Variants in SPOCK1 observed in about 807,000 individuals in gnomAD.
SPOCK1 encodes the protein SPARC (osteonectin), cwcv and kazal like domains proteoglycan 1.
Under a neutral mutation model 55.3 loss-of-function variants are expected in SPOCK1, and 23 were observed. The observed-to-expected ratio is 0.42, with a 90% CI of 0.30 to 0.59. The LOEUF (loss-of-function observed/expected upper bound fraction) is 0.59, where lower values mean the gene tolerates loss of function less well. Among genes scored for constraint, SPOCK1 ranks in the 20% least tolerant of loss-of-function variants. The pLI is 0.22. For missense variants in SPOCK1, 499 were observed against 552.5 expected (o/e 0.90, Z 0.97); for synonymous variants, 226 against 221.0 (o/e 1.02, Z -0.20).
intron 2 of SPOCK1, among the ~76,000 whole-genome samples, chr5:137,475,787 C>T (rs572520074): frequency 6.6e-6 from 1 of 152,136 alleles, no homozygotes; most frequent in Non-Finnish European, 1.5e-5. Flanking sequence ...GTGGCCCAGG[C>T]TGGTCTTGAA....
chr5:137,279,553 G>A (rs1326312528), intron 2 of SPOCK1, among the ~76,000 whole-genome samples: 1 of 152,176 alleles, frequency 6.6e-6, no homozygotes, highest in Non-Finnish European at 1.5e-5. Flanking sequence ...TTTAATCTAT[G>A]ACAAAAGGCC....
At chr5:137,401,687 G>A (rs1268943587) in intron 2 of SPOCK1, among the ~76,000 whole-genome samples, 2 of 152,132 alleles carry the variant, frequency 1.3e-5, no homozygotes, top group South Asian at 2.1e-4. Flanking sequence ...TGAGGTTACA[G>A]TGAGCATGAT....
At position 137,365,917 on chromosome 5, in the gene SPOCK1, G is replaced by A. The variant is rs150090884; in HGVS notation, c.187-98862C>T. On this transcript the variant is annotated intron_variant, in intron 2 of 10. Transcript: ENST00000394945. ...ACCTTATTAAATATTCTGTAGTACC[G>A]CTTACACACAACGACGCACAAAAGT... is the stretch of plus-strand genomic sequence containing the variant. Among the ~76,000 whole-genome samples, 202 of 152,204 alleles carry A rather than the reference G, an allele frequency of 1.3e-3. 1 individual carries two copies. Among genetic ancestry groups the A allele is most frequent in the East Asian group, 7.2e-3 (37 of 5,174 alleles).
At chr5:137,129,987 T>C (rs899452459) in intron 4 of SPOCK1, among the ~76,000 whole-genome samples, 4 of 152,204 alleles carry the variant, frequency 2.6e-5, no homozygotes, top group African/African-American at 4.8e-5. Context: ...CCCTCCTTTC[T>C]TCCCCCCTCA....
intron 2 of SPOCK1, among the ~76,000 whole-genome samples, chr5:137,480,348 T>G (rs1052868571): frequency 1.7e-5 from 2 of 116,132 alleles, no homozygotes; most frequent in South Asian, 6.2e-4. Flanking sequence ...CACACACTCA[T>G]TCACTTGTAT....
chr5:137,355,013 G>A (rs915669853), intron 2 of SPOCK1, among the ~76,000 whole-genome samples: 19 of 150,122 alleles, frequency 1.3e-4, no homozygotes, highest in African/African-American at 3.5e-4. Context: ...AGTGATTCTC[G>A]TGCCTCAGCC....
At chr5:137,071,357 G>C (rs1250813150) in intron 5 of SPOCK1, among the ~76,000 whole-genome samples, 1 of 152,102 alleles carries the variant, frequency 6.6e-6, no homozygotes, top group African/African-American at 2.4e-5. Context: ...TGTGGTAAAA[G>C]CTCCTTTAAA....
At chr5:137,023,437 A>G (rs954016960) in intron 6 of SPOCK1, among the ~76,000 whole-genome samples, 2 of 152,186 alleles carry the variant, frequency 1.3e-5, no homozygotes, top group Non-Finnish European at 2.9e-5. Flanking sequence ...TTGAAGACAC[A>G]TTCTGGTAGC....
intron 6 of SPOCK1, among the ~76,000 whole-genome samples, chr5:136,996,723 A>G (rs1327797652): frequency 6.6e-6 from 1 of 152,166 alleles, no homozygotes; most frequent in Non-Finnish European, 1.5e-5. Flanking sequence ...GTAGCTAGCA[A>G]GAGGACTGTA....
At chr5:137,337,029 T>G (rs896058445) in intron 2 of SPOCK1, among the ~76,000 whole-genome samples, 4 of 152,204 alleles carry the variant, frequency 2.6e-5, no homozygotes, top group African/African-American at 9.7e-5. Flanking sequence ...TACTAACCAC[T>G]GTATCCCAAG....
At chr5:137,050,970 T>G in intron 6 of SPOCK1, among the ~76,000 whole-genome samples, 1 of 152,208 alleles carries the variant, frequency 6.6e-6, no homozygotes, top group East Asian at 1.9e-4. Flanking sequence ...GAACAACAAC[T>G]TAACTCTAAA....
At chr5:137,068,975 CA>C (rs1320853411) in intron 5 of SPOCK1, among the ~76,000 whole-genome samples, 1 of 152,206 alleles carries the variant, frequency 6.6e-6, no homozygotes, top group Non-Finnish European at 1.5e-5. Flanking sequence ...TGAAATTTAA[CA>C]AGCACCCACT....
chr5:137,430,320 A>G (rs1300539919), intron 2 of SPOCK1, among the ~76,000 whole-genome samples: 1 of 152,204 alleles, frequency 6.6e-6, no homozygotes, highest in Non-Finnish European at 1.5e-5. Context: ...CAAAAAGACT[A>G]TCCATCACCC....
chr5:137,489,170 C>A (rs1388872784), intron 2 of SPOCK1, among the ~76,000 whole-genome samples: 6 of 152,188 alleles, frequency 3.9e-5, no homozygotes, highest in African/African-American at 1.4e-4. Flanking sequence ...CAAGAAGGTG[C>A]ACATGCTATC....
intron 5 of SPOCK1, among the ~76,000 whole-genome samples, chr5:137,079,732 G>A (rs754101230): frequency 2.3e-4 from 35 of 151,734 alleles, no homozygotes; most frequent in Non-Finnish European, 1.3e-4. Flanking sequence ...CCTCCTCCCC[G>A]TCCCTGCTTC....
intron 9 of SPOCK1, among the ~76,000 whole-genome samples, chr5:136,979,770 A>G (rs1226814587): frequency 6.6e-6 from 1 of 152,192 alleles, no homozygotes; most frequent in African/African-American, 2.4e-5. Context: ...GTATATATAC[A>G]TACATTTGCA....
At chr5:137,228,832 A>G (rs573826956) in intron 3 of SPOCK1, among the ~76,000 whole-genome samples, 40 of 152,328 alleles carry the variant, frequency 2.6e-4, no homozygotes, top group Non-Finnish European at 4.7e-4. Flanking sequence ...TAATTACTAC[A>G]TAGTAGCTCT....
At chr5:137,372,569 G>A (rs576083582) in intron 2 of SPOCK1, among the ~76,000 whole-genome samples, 1 of 152,210 alleles carries the variant, frequency 6.6e-6, no homozygotes, top group Non-Finnish European at 1.5e-5. Flanking sequence ...ATGTCAGAGG[G>A]TAATTCCAAA....
At chr5:137,405,787 GA>G (rs140100680) in intron 2 of SPOCK1, among the ~76,000 whole-genome samples, 2,682 of 152,294 alleles carry the variant, frequency 0.018, 71 homozygotes, top group African/African-American at 0.06. Flanking sequence ...CTTGTGGTTA[GA>G]AAAGTAAGCA....
Sources: gnomAD v4.1 joint callset for allele counts (sites outside exome capture counted in the v4.1 genomes callset) on GRCh38, gnomAD v4.1.1 for gene constraint, MANE v1.5 for transcripts, NCBI Gene and HGNC (gene_info 2026-07-23, HGNC 2026-07-21) for gene names.